Variants in NR1I2 observed in about 807,000 individuals in gnomAD.
NR1I2 encodes the protein orphan nuclear receptor PAR1.
Under a neutral mutation model 43.3 loss-of-function variants are expected in NR1I2, and 42 were observed. That is an observed-to-expected ratio of 0.97 (90% confidence interval 0.76 to 1.26). The LOEUF (loss-of-function observed/expected upper bound fraction) is 1.26, where lower values mean the gene tolerates loss of function less well. Among genes scored for constraint, NR1I2 ranks in the 50% most tolerant of loss-of-function variants. NR1I2 has a pLI of 0.00. For synonymous variants in NR1I2, 229 were observed against 215.0 expected, an observed-to-expected ratio of 1.06 and a Z score of -0.57; for missense variants, 559 against 566.7, an observed-to-expected ratio of 0.99 and a Z score of 0.14.
Position 119,806,777 on chromosome 3 carries a change from A to G in NR1I2, c.-22-452A>G, listed in dbSNP as rs140857973. ...AGCTCCCTGTGGGAGCTTGGGCCAC[A>G]CCCCACCTGAAAGACTATCCTCCCT... On this transcript the variant is annotated intron_variant, in intron 1 of 8. Transcript: ENST00000393716. Among the ~76,000 whole-genome samples the G allele has an allele frequency of 4.1e-3, 630 of 152,120 alleles. 3 individuals carry two copies. Among genetic ancestry groups the G allele is most frequent in the African/African-American group, 0.015 (607 of 41,504 alleles).
intron 4 of NR1I2, among the ~76,000 whole-genome samples, chr3:119,812,111 T>C (rs551646734): frequency 1.3e-5 from 2 of 151,958 alleles, no homozygotes; most frequent in South Asian, 4.2e-4. Context: ...AGCTAGGCAG[T>C]TCCCCAGTGT....
rs538208001 is a variant in NR1I2 at position 119,812,821 on chromosome 3, G to C, written c.655G>C (p.Asp219His). 2 of 1,614,232 alleles carry C rather than the reference G, an allele frequency of 1.2e-6. No homozygotes were observed. The highest frequency in any genetic ancestry group is 2.2e-5 in the East Asian group (1 of 44,886). The stretch of plus-strand genomic sequence containing the variant: ...GGTCTCTCTGCAGCTGCGGGGGGAG[G>C]ATGGCAGTGTCTGGAACTACAAACC... Residue 219 changes from aspartate (D) to histidine (H), a missense_variant, in exon 5 of 9, where the codon GAT (aspartate) becomes CAT (histidine). This residue lies in a region of NR1I2 where 323 missense variants were observed against 312.2 expected (regional missense o/e 1.03). Transcript: ENST00000393716.
chr3:119,812,299 C>G (rs910478853), intron 4 of NR1I2, among the ~76,000 whole-genome samples: 17 of 152,126 alleles, frequency 1.1e-4, no homozygotes, highest in Non-Finnish European at 2.2e-4. Flanking sequence ...ACTGGATTAG[C>G]CCAGTGACCT....
intron 1 of NR1I2, among the ~76,000 whole-genome samples, chr3:119,797,009 C>T (rs114234134): frequency 2.0e-5 from 3 of 152,160 alleles, no homozygotes; most frequent in Admixed American, 6.5e-5. Context: ...TATCTCCAGC[C>T]GCCAGGAGCA....
chr3:119,793,758 A>T (rs1236239257), intron 1 of NR1I2, among the ~76,000 whole-genome samples: 1 of 152,202 alleles, frequency 6.6e-6, no homozygotes, highest in East Asian at 1.9e-4. Flanking sequence ...ATAAGGAAAC[A>T]TATTCACATG....
chr3:119,789,834 A>AATTTAAATATT (rs1559783003), intron 1 of NR1I2, among the ~76,000 whole-genome samples: 1 of 152,126 alleles, frequency 6.6e-6, no homozygotes, highest in Non-Finnish European at 1.5e-5. Context: ...ATTTAAATTC[A>AATTTAAATATT]ATTTAAATAT....
At chr3:119,809,313 A>G (rs1171282696) in intron 2 of NR1I2, among the ~76,000 whole-genome samples, 6 of 151,992 alleles carry the variant, frequency 3.9e-5, no homozygotes, top group Admixed American at 6.5e-5. Flanking sequence ...TCCAAAAGGC[A>G]TCTGCCCCAT....
In NR1I2 at chr3:119,810,046, C is replaced by T. The variant is rs2107972148; in HGVS notation, c.198-15C>T. On this transcript the variant is annotated splice_polypyrimidine_tract_variant and intron_variant, in intron 2 of 8. Coordinates refer to ENST00000393716, the MANE Select transcript of NR1I2 (RefSeq NM_003889.4). ...CACCCGTGCATCCCCCCTTCTGCTC[C>T]CCATTCTCTCACAGGAGGGCCATGA... 8 of 1,613,718 alleles carry T rather than the reference C, an allele frequency of 5.0e-6. No homozygotes were observed. The highest frequency in any genetic ancestry group is 6.8e-6 in the Non-Finnish European group (8 of 1,179,914).
chr3:119,787,657 A>G (rs986105746), intron 1 of NR1I2, among the ~76,000 whole-genome samples: 3 of 128,444 alleles, frequency 2.3e-5, no homozygotes, highest in African/African-American at 3.0e-5. Flanking sequence ...TGCTATTAAT[A>G]TGTGTGTGTG....
At chr3:119,814,041 G>A (rs1175909245) in intron 5 of NR1I2, among the ~76,000 whole-genome samples, 1 of 152,174 alleles carries the variant, frequency 6.6e-6, no homozygotes, top group African/African-American at 2.4e-5. Context: ...TCGATGCCAG[G>A]TCCTAAGCTG....
At chr3:119,804,833 C>CTTTTTTCCTTCCA (rs1553718168) in intron 1 of NR1I2, among the ~76,000 whole-genome samples, 6 of 152,046 alleles carry the variant, frequency 3.9e-5, no homozygotes, top group Non-Finnish European at 1.5e-5. Flanking sequence ...TTCTTTTGAA[C>CTTTTTTCCTTCCA]TTTTTTCCTT....
chr3:119,815,247 A>G lies in NR1I2; in HGVS notation c.938-76A>G, dbSNP rs200450178. 2.5e-6 allele frequency: 4 copies of G among 1,570,132 alleles called. No individual in the cohort carries two copies. In the East Asian group the frequency reaches 9.0e-5, roughly 35 times the overall value. ...GCAGGAAGATGGAATGGTGGAAAAC[A>G]AGATATTGGTGAGGGATGATTAGAT... On this transcript the variant is annotated intron_variant, in intron 6 of 8. Coordinates refer to ENST00000393716, the MANE Select transcript of NR1I2 (RefSeq NM_003889.4).
At chr3:119,789,565 C>A (rs958471965) in intron 1 of NR1I2, among the ~76,000 whole-genome samples, 8 of 152,234 alleles carry the variant, frequency 5.3e-5, no homozygotes, top group Non-Finnish European at 1.2e-4. Context: ...AGGTCCCTCC[C>A]ACATATGTAG....
At chr3:119,810,508 A>C in intron 3 of NR1I2, 3 of 397,100 alleles carry the variant, frequency 7.6e-6, no homozygotes, top group Non-Finnish European at 1.4e-5. Flanking sequence ...AATTGTTGTA[A>C]TGGTTTGAAA....
rs745920100 is a variant in NR1I2, at chr3:119,811,507, G to A, written c.332-32G>A. 1.8e-5 allele frequency: 28 copies of A among 1,585,880 alleles called. No homozygotes were observed. In the Admixed American group the frequency reaches 3.1e-4, roughly 18 times the overall value. On this transcript the variant is annotated intron_variant, in intron 3 of 8. Coordinates refer to ENST00000393716, the MANE Select transcript of NR1I2 (RefSeq NM_003889.4). The stretch of plus-strand genomic sequence containing the variant: ...GGGGCTGGAGGCTCACCAGGGGCAC[G>A]TGTGCCTGAGCCAGCCTCACTGTCC...
intron 5 of NR1I2, 131 bp from the exon 6 acceptor site, chr3:119,814,848 C>A: frequency 8.8e-7 from 1 of 1,134,042 alleles, no homozygotes; most frequent in South Asian, 1.3e-5. Context: ...CAGCCACAGT[C>A]ATCCTCAGGG....
rs758279497 is a variant in NR1I2, at chr3:119,804,442, ATTT to A, written c.-22-2770_-22-2768del. ...ACATTTAACTACCAACATAGTTGGT[ATTT>A]TTTTTTTTTTTTTTTTGAGACGAAG... On this transcript the variant is annotated intron_variant, in intron 1 of 8. Transcript: ENST00000393716. Among the ~76,000 whole-genome samples, 212 of 118,542 alleles carry A rather than the reference ATTT, an allele frequency of 1.8e-3. 1 individual carries two copies. Among genetic ancestry groups the A allele is most frequent in the African/African-American group, 6.6e-3 (208 of 31,484 alleles). The allele number at this position is 118,542 out of a possible 152,430, so 77.8% of individuals were successfully genotyped here.
intron 1 of NR1I2, 46 bp from the exon 2 acceptor site, chr3:119,807,183 C>A: frequency 6.5e-7 from 1 of 1,539,760 alleles, no homozygotes; most frequent in Non-Finnish European, 9.0e-7. Context: ...GGCCTCTACA[C>A]ATCCCTGTCC....
chr3:119,809,652 C>G (rs915410279), intron 2 of NR1I2, among the ~76,000 whole-genome samples: 4 of 151,962 alleles, frequency 2.6e-5, no homozygotes, highest in Non-Finnish European at 5.9e-5. Flanking sequence ...GAGGGGAAAT[C>G]GAGGAAGAGG....
Sources: gnomAD v4.1 joint callset for allele counts (sites outside exome capture counted in the v4.1 genomes callset) on GRCh38, gnomAD v4.1.1 for gene constraint, gnomAD v4.1.1 regional missense constraint, MANE v1.5 for transcripts, NCBI Gene and HGNC (gene_info 2026-07-23, HGNC 2026-07-21) for gene names.